The following TBC1D22A variants were observed in gnomAD, a reference collection of about 807,000 sequenced individuals.
TBC1D22A encodes the protein TBC1 domain family member 22A.
In TBC1D22A, 38 loss-of-function variants were observed where a neutral mutation model predicts 60.2. That is an observed-to-expected ratio of 0.63 (90% confidence interval 0.49 to 0.83). The LOEUF (loss-of-function observed/expected upper bound fraction) is 0.83. TBC1D22A is among the 40% of genes least tolerant of loss of function. TBC1D22A has a pLI of 0.00. For synonymous variants in TBC1D22A, 302 were observed against 281.7 expected (o/e 1.07, Z -0.72); for missense variants, 628 against 701.0 (o/e 0.90, Z 1.18).
rs995994804 is a variant in TBC1D22A at position 47,018,153 on chromosome 22, C to A, written c.1202-18918C>A. On this transcript the variant is annotated intron_variant, in intron 10 of 12. Coordinates refer to ENST00000337137, the MANE Select transcript of TBC1D22A (RefSeq NM_014346.5). ...CCAGAGCGACCTGACTCTGGCCGTT[C>A]CTGCTTCCCCTGCGTCAGTGTGGCT... 5.2e-5 allele frequency among the ~76,000 whole-genome samples: 8 copies of A among 152,384 alleles called. No homozygotes were observed. The East Asian group carries it at 1.3e-3, about 26-fold the overall frequency.
At chr22:46,933,425 G>A (rs933265933) in intron 8 of TBC1D22A, among the ~76,000 whole-genome samples, 20 of 152,226 alleles carry the variant, frequency 1.3e-4, no homozygotes, top group Admixed American at 5.2e-4. Context: ...ATTAGTCGAA[G>A]CCATGGAGAT....
intron 7 of TBC1D22A, among the ~76,000 whole-genome samples, chr22:46,907,266 A>C (rs1414021000): frequency 6.6e-6 from 1 of 151,910 alleles, no homozygotes; most frequent in African/African-American, 2.4e-5. Flanking sequence ...GTCTCCCTTC[A>C]CCAAGTGCTT....
intron 4 of TBC1D22A, among the ~76,000 whole-genome samples, chr22:46,842,553 T>C (rs2086816309): frequency 2.0e-5 from 3 of 152,234 alleles, no homozygotes. Context: ...TGAGTATGCA[T>C]GTCATTAACT....
chr22:46,993,681 C>T (rs187364415), intron 9 of TBC1D22A, among the ~76,000 whole-genome samples: 170 of 152,292 alleles, frequency 1.1e-3, no homozygotes, highest in Admixed American at 5.6e-3. Flanking sequence ...GTGCAGCCTG[C>T]GGGCAGCTGC....
At chr22:46,858,811 C>T (rs1007658593) in intron 4 of TBC1D22A, among the ~76,000 whole-genome samples, 3 of 152,188 alleles carry the variant, frequency 2.0e-5, no homozygotes, top group South Asian at 4.1e-4. Context: ...TTTGTTTTTC[C>T]CTCTATGAAT....
intron 8 of TBC1D22A, among the ~76,000 whole-genome samples, chr22:46,923,511 G>T (rs899268978): frequency 6.6e-6 from 1 of 152,222 alleles, no homozygotes; most frequent in Non-Finnish European, 1.5e-5. Context: ...TGCTAGGGTC[G>T]CAGTGTCTAG....
At chr22:46,799,006 CT>C (rs2084783264) in intron 4 of TBC1D22A, among the ~76,000 whole-genome samples, 2 of 151,488 alleles carry the variant, frequency 1.3e-5, no homozygotes, top group South Asian at 4.2e-4. Flanking sequence ...GAGTAGAGTT[CT>C]CAGAGTGGGT....
In TBC1D22A at chr22:46,891,455, A is replaced by T. The variant is rs190294061; in HGVS notation, c.837+61A>T. 2,855 of 1,514,284 alleles carry T rather than the reference A, an allele frequency of 1.9e-3. 53 individuals carry two copies. In the South Asian group the frequency reaches 0.031, roughly 17 times the overall value. 93.8% of individuals were successfully genotyped at this position (1,514,284 alleles called of 1,614,324 possible). On this transcript the variant is annotated intron_variant, in intron 6 of 12. Coordinates refer to ENST00000337137, the MANE Select transcript of TBC1D22A (RefSeq NM_014346.5). The stretch of plus-strand genomic sequence containing the variant: ...TGTACTTTGCTTTGCTGTGATTTAT[A>T]GGAGGAAATGTTTTATCAAAACCAT...
chr22:47,143,168 G>T (rs981454619), intron 12 of TBC1D22A, among the ~76,000 whole-genome samples: 6 of 152,100 alleles, frequency 3.9e-5, no homozygotes, highest in Non-Finnish European at 7.4e-5. Context: ...CCCAGAAGGG[G>T]AATCATCCAG....
chr22:46,886,413 A>G (rs2068120553), intron 5 of TBC1D22A, among the ~76,000 whole-genome samples: 1 of 151,992 alleles, frequency 6.6e-6, no homozygotes, highest in Non-Finnish European at 1.5e-5. Context: ...TTCTGGAGAG[A>G]GTGTTCTCCT....
chr22:47,134,927 C>A (rs181336527), intron 12 of TBC1D22A, among the ~76,000 whole-genome samples: 377 of 152,310 alleles, frequency 2.5e-3, no homozygotes, highest in African/African-American at 8.8e-3. Flanking sequence ...CTCCCGGAGC[C>A]TTGGCTGATT....
At chr22:46,938,035 T>C (rs929229463) in intron 8 of TBC1D22A, among the ~76,000 whole-genome samples, 1 of 152,040 alleles carries the variant, frequency 6.6e-6, no homozygotes, top group African/African-American at 2.4e-5. Flanking sequence ...ATGAAGGAAA[T>C]TAATAATAAT....
chr22:46,792,652 T>TCCTTCCTGCTC (rs1386804663), intron 2 of TBC1D22A, 76 bp downstream of exon 2: 7 of 1,612,982 alleles, frequency 4.3e-6, no homozygotes, highest in Non-Finnish European at 4.2e-6. Flanking sequence ...TCTTCCTGCT[T>TCCTTCCTGCTC]CCTTCCTGCT....
chr22:46,888,898 G>T (rs998440898), intron 5 of TBC1D22A, among the ~76,000 whole-genome samples: 1 of 152,320 alleles, frequency 6.6e-6, no homozygotes, highest in Admixed American at 6.5e-5. Context: ...TAGAGATGGG[G>T]TTTCACCATG....
intron 1 of TBC1D22A, among the ~76,000 whole-genome samples, chr22:46,785,467 CT>C (rs2084119587): frequency 6.6e-6 from 1 of 152,188 alleles, no homozygotes; most frequent in African/African-American, 2.4e-5. Flanking sequence ...CCACAATAGC[CT>C]TCACCCATTT....
At chr22:47,152,839 GC>G (rs1388089596) in intron 12 of TBC1D22A, among the ~76,000 whole-genome samples, 4 of 152,210 alleles carry the variant, frequency 2.6e-5, no homozygotes, top group Non-Finnish European at 5.9e-5. Context: ...CGGGGGAGAC[GC>G]AGGATGCCAG....
intron 4 of TBC1D22A, among the ~76,000 whole-genome samples, chr22:46,877,675 T>C (rs940629630): frequency 6.6e-6 from 1 of 152,244 alleles, no homozygotes; most frequent in Non-Finnish European, 1.5e-5. Context: ...TTGATTATAT[T>C]AGCAAAGTCT....
chr22:46,912,659 T>G (rs58499997), intron 8 of TBC1D22A, among the ~76,000 whole-genome samples: 1 of 152,088 alleles, frequency 6.6e-6, no homozygotes, highest in African/African-American at 2.4e-5. Context: ...CGGGTTCAAG[T>G]GATTCTCCTG....
chr22:47,167,142 G>A (rs2068238935), intron 12 of TBC1D22A, among the ~76,000 whole-genome samples: 2 of 152,202 alleles, frequency 1.3e-5, no homozygotes, highest in African/African-American at 4.8e-5. Context: ...GTTCGTCTTT[G>A]GCTGATGGTC....
Sources: gnomAD v4.1 joint callset for allele counts (sites outside exome capture counted in the v4.1 genomes callset) on GRCh38, gnomAD v4.1.1 for gene constraint, MANE v1.5 for transcripts, NCBI Gene and HGNC (gene_info 2026-07-23, HGNC 2026-07-21) for gene names.